Variants in GRIK4 observed in about 807,000 individuals in gnomAD.
GRIK4 encodes glutamate ionotropic receptor kainate type subunit 4.
In GRIK4, 40 loss-of-function variants were observed where a neutral mutation model predicts 104.9. That is an observed-to-expected ratio of 0.38 (90% CI 0.30 to 0.50). The LOEUF (loss-of-function observed/expected upper bound fraction) is 0.50. Ranked by LOEUF, GRIK4 falls within the 20% of genes least tolerant of loss-of-function variation. The probability of loss-of-function intolerance (pLI) is 0.93; values close to 1 mark genes in which losing one functional copy is unlikely to be tolerated. For missense variants in GRIK4, 1,047 were observed against 1,308.1 expected (o/e 0.80, Z 3.08); for synonymous variants, 485 against 524.9 (o/e 0.92, Z 1.04).
chr11:120,706,870 A>C (rs1282825088), intron 3 of GRIK4, among the ~76,000 whole-genome samples: 1 of 152,058 alleles, frequency 6.6e-6, no homozygotes, highest in Non-Finnish European at 1.5e-5. Context: ...TGTCTCCTGC[A>C]AGTACTGTCT....
intron 12 of GRIK4, among the ~76,000 whole-genome samples, chr11:120,900,654 G>A (rs1222064614): frequency 1.3e-5 from 2 of 152,158 alleles, no homozygotes; most frequent in Non-Finnish European, 2.9e-5. Context: ...GGGTCAGGGT[G>A]GCCTCTCCGA....
intron 3 of GRIK4, among the ~76,000 whole-genome samples, chr11:120,693,495 G>C (rs1257869716): frequency 6.6e-6 from 1 of 152,168 alleles, no homozygotes; most frequent in Non-Finnish European, 1.5e-5. Context: ...GGAGTAGTCT[G>C]TCCATCCATC....
chr11:120,784,187 C>T (rs746245328), intron 3 of GRIK4, among the ~76,000 whole-genome samples: 1 of 152,316 alleles, frequency 6.6e-6, no homozygotes, highest in Non-Finnish European at 1.5e-5. Context: ...GAATATTTTG[C>T]TCTTGCCCCA....
intron 3 of GRIK4, among the ~76,000 whole-genome samples, chr11:120,700,520 G>A (rs149505626): frequency 0.12 from 17,800 of 151,026 alleles, 1,134 homozygotes; most frequent in South Asian, 0.19. Flanking sequence ...GTGCAGTGGC[G>A]TGATCTCGGC....
chr11:120,959,367 C>G (rs1944237375), intron 16 of GRIK4, among the ~76,000 whole-genome samples: 1 of 152,220 alleles, frequency 6.6e-6, no homozygotes, highest in Non-Finnish European at 1.5e-5. Context: ...AGCAAGTGTT[C>G]TTGGTCACAA....
intron 3 of GRIK4, among the ~76,000 whole-genome samples, chr11:120,717,178 G>A (rs1950849848): frequency 6.6e-6 from 1 of 152,192 alleles, no homozygotes; most frequent in Non-Finnish European, 1.5e-5. Flanking sequence ...GTTGCCTTTG[G>A]TCACCTTAGT....
intron 3 of GRIK4, among the ~76,000 whole-genome samples, chr11:120,685,500 A>G (rs1477510014): frequency 1.3e-5 from 2 of 152,144 alleles, no homozygotes; most frequent in Non-Finnish European, 2.9e-5. Context: ...TAATATTTTT[A>G]ATAGGTACCC....
chr11:120,700,025 A>G (rs1456000228), intron 3 of GRIK4, among the ~76,000 whole-genome samples: 1 of 152,232 alleles, frequency 6.6e-6, no homozygotes, highest in African/African-American at 2.4e-5. Flanking sequence ...AATAAACTTT[A>G]TTGTGTATAT....
intron 11 of GRIK4, among the ~76,000 whole-genome samples, chr11:120,881,060 T>C (rs1954956358): frequency 6.6e-6 from 1 of 152,202 alleles, no homozygotes; most frequent in African/African-American, 2.4e-5. Context: ...ATGACGTGGC[T>C]GCCACATCTC....
At chr11:120,809,043 C>T (rs1952773454) in intron 4 of GRIK4, among the ~76,000 whole-genome samples, 1 of 152,144 alleles carries the variant, frequency 6.6e-6, no homozygotes, top group South Asian at 2.1e-4. Context: ...TGGCACTTAC[C>T]ATTAGCTCCT....
intron 18 of GRIK4, among the ~76,000 whole-genome samples, chr11:120,964,157 A>G (rs1188404267): frequency 1.3e-5 from 2 of 151,794 alleles, no homozygotes; most frequent in Non-Finnish European, 2.9e-5. Context: ...ACACCCAGCT[A>G]ATTTTTGTAT....
intron 1 of GRIK4, among the ~76,000 whole-genome samples, chr11:120,614,011 A>G (rs1360448955): frequency 6.6e-6 from 1 of 152,160 alleles, no homozygotes; most frequent in East Asian, 1.9e-4. Context: ...TAGGTTATCA[A>G]TTGGTTCACC....
intron 1 of GRIK4, among the ~76,000 whole-genome samples, chr11:120,579,082 G>GGGC (rs1455246820): frequency 6.6e-6 from 1 of 152,222 alleles, no homozygotes; most frequent in Non-Finnish European, 1.5e-5. Flanking sequence ...TCCAGCCCAA[G>GGGC]TGGCATTTAT....
intron 13 of GRIK4, among the ~76,000 whole-genome samples, chr11:120,910,696 A>G (rs1335339170): frequency 6.6e-6 from 1 of 152,224 alleles, no homozygotes; most frequent in Non-Finnish European, 1.5e-5. Flanking sequence ...GAAACTGTTC[A>G]AGGCATTCAG....
intron 19 of GRIK4, among the ~76,000 whole-genome samples, chr11:120,972,521 G>GA (rs970139366): frequency 4.0e-5 from 6 of 151,730 alleles, no homozygotes; most frequent in South Asian, 2.1e-4. Context: ...AAGTTAGAGT[G>GA]AAAAAAAAGA....
At chr11:120,577,734 A>G (rs1048753408) in intron 1 of GRIK4, among the ~76,000 whole-genome samples, 4 of 152,022 alleles carry the variant, frequency 2.6e-5, no homozygotes, top group African/African-American at 9.7e-5. Context: ...CAATTATACC[A>G]CTGGGCAGCT....
intron 9 of GRIK4, among the ~76,000 whole-genome samples, chr11:120,866,604 T>C (rs904843557): frequency 6.6e-6 from 1 of 152,022 alleles, no homozygotes; most frequent in African/African-American, 2.4e-5. Context: ...TGAGTGGGGG[T>C]GTTCTCTGAG....
intron 3 of GRIK4, among the ~76,000 whole-genome samples, chr11:120,792,310 G>A (rs1719118363): frequency 6.6e-6 from 1 of 151,688 alleles, no homozygotes; most frequent in African/African-American, 2.4e-5. Context: ...AAGGTAGAGA[G>A]GGATGAGCAG....
At chr11:120,880,499 T>G (rs890184614) in intron 11 of GRIK4, among the ~76,000 whole-genome samples, 1 of 152,210 alleles carries the variant, frequency 6.6e-6, no homozygotes, top group Non-Finnish European at 1.5e-5. Flanking sequence ...CAAGTCCAAG[T>G]ACAAGTACAA....
Sources: gnomAD v4.1 joint callset for allele counts (sites outside exome capture counted in the v4.1 genomes callset) on GRCh38, gnomAD v4.1.1 for gene constraint, MANE v1.5 for transcripts, NCBI Gene and HGNC (gene_info 2026-07-23, HGNC 2026-07-21) for gene names.